TMPRSS2: variants seen among roughly 807,000 people sequenced by gnomAD.
The protein encoded by TMPRSS2 is transmembrane serine protease 2, also known as transmembrane protease serine 2.
TMPRSS2 carries 59 observed loss-of-function variants against 67.4 expected under a neutral mutation model. The ratio of observed to expected loss-of-function variants is 0.88; its 90% CI spans 0.71 to 1.09. The LOEUF is 1.09. TMPRSS2 is among the 50% of genes least tolerant of loss of function. TMPRSS2 has a pLI of 0.00. For missense variants in TMPRSS2, 668 were observed against 642.7 expected, an observed-to-expected ratio of 1.04 and a Z score of -0.43; for synonymous variants, 257 against 257.0, an observed-to-expected ratio of 1.00 and a Z score of 0.00.
intron 13 of TMPRSS2, among the ~76,000 whole-genome samples, chr21:41,467,194 G>C (rs2091092570): frequency 6.6e-6 from 1 of 152,170 alleles, no homozygotes. Flanking sequence ...TTCGAGACCA[G>C]CCTGGCCAAC....
chr21:41,505,626 T>G (rs888549145), intron 1 of TMPRSS2, among the ~76,000 whole-genome samples: 3 of 152,156 alleles, frequency 2.0e-5, no homozygotes, highest in Admixed American at 6.5e-5. Flanking sequence ...GGAGCCCAGG[T>G]AGGGCTGTGG....
intron 7 of TMPRSS2, among the ~76,000 whole-genome samples, chr21:41,476,926 T>C (rs2040600004): frequency 6.6e-6 from 1 of 152,208 alleles, no homozygotes. Context: ...AATGCTAGTT[T>C]TGTTTTTCCT....
chr21:41,499,351 C>G (rs997117167), intron 1 of TMPRSS2, among the ~76,000 whole-genome samples: 2 of 152,198 alleles, frequency 1.3e-5, no homozygotes, highest in Non-Finnish European at 2.9e-5. Context: ...AAAGATTCTT[C>G]GCTTGATCAA....
intron 1 of TMPRSS2, among the ~76,000 whole-genome samples, chr21:41,498,427 G>C (rs1221126062): frequency 4.6e-5 from 7 of 152,150 alleles, no homozygotes; most frequent in Admixed American, 1.3e-4. Context: ...TCTGGGATCA[G>C]AGTGGGTAGG....
intron 11 of TMPRSS2, among the ~76,000 whole-genome samples, chr21:41,469,344 G>C (rs1201881137): frequency 1.3e-5 from 2 of 151,842 alleles, no homozygotes; most frequent in African/African-American, 4.8e-5. Flanking sequence ...CTGTCTCAAG[G>C]AACCACAGCA....
In TMPRSS2 at chr21:41,477,991, G is replaced by A. The variant is rs1259681953; in HGVS notation, c.683+1181C>T. Among the ~76,000 whole-genome samples, 9 of 152,102 alleles carry A rather than the reference G, an allele frequency of 5.9e-5. No homozygotes were observed. The South Asian group carries it at 8.3e-4, about 14-fold the overall frequency. The stretch of plus-strand genomic sequence containing the variant: ...GTTCCCAAGGCTCTTGCCAAGGGAC[G>A]GCAGCACCTCCTCCCCTCCCCCCGT... On this transcript the variant is annotated intron_variant, in intron 7 of 13. Transcript: ENST00000332149.
chr21:41,507,928 C>T (rs1409662373), intron 1 of TMPRSS2, 153 bp downstream of exon 1: 1 of 1,493,200 alleles, frequency 6.7e-7, no homozygotes, highest in Non-Finnish European at 8.9e-7. Flanking sequence ...GGCCCCAGCG[C>T]TCGACCCTCG....
chr21:41,471,237 G>C (rs751458218), intron 10 of TMPRSS2, among the ~76,000 whole-genome samples: 1 of 152,228 alleles, frequency 6.6e-6, no homozygotes. Flanking sequence ...CCCTTGGATG[G>C]ACCAGAGTGG....
chr21:41,498,407 A>C (rs1158730265), intron 1 of TMPRSS2, among the ~76,000 whole-genome samples: 1 of 152,162 alleles, frequency 6.6e-6, no homozygotes, highest in African/African-American at 2.4e-5. Flanking sequence ...TTACAGCAGA[A>C]GCACTCTCCT....
In TMPRSS2 at chr21:41,464,586, T is replaced by A. The variant is rs1368578700; in HGVS notation, c.*1556A>T. 1.3e-5 allele frequency: 3 copies of A among 230,656 alleles called. No individual in the cohort carries two copies. Among genetic ancestry groups the A allele is most frequent in the Non-Finnish European group, 2.6e-5 (3 of 116,414 alleles). 14.3% of individuals were successfully genotyped at this position (230,656 alleles called of 1,614,324 possible). ...AAAAAAATTGCATAATTTATTTGCA[T>A]GATATTCATTTTCACAATTGAACTT... On this transcript the variant is annotated 3_prime_UTR_variant, in exon 14 of 14. Transcript: ENST00000332149.
At chr21:41,501,696 A>T (rs2091425823) in intron 1 of TMPRSS2, among the ~76,000 whole-genome samples, 1 of 151,952 alleles carries the variant, frequency 6.6e-6, no homozygotes, top group South Asian at 2.1e-4. Flanking sequence ...TCCCGCTCTG[A>T]CATTAGATCT....
intron 6 of TMPRSS2, 130 bp downstream of exon 6, chr21:41,480,342 GGGCT>G (rs2091247256): frequency 1.4e-6 from 2 of 1,427,548 alleles, no homozygotes; most frequent in Non-Finnish European, 1.9e-6. Flanking sequence ...GCTGGTTATA[GGGCT>G]CAGCTTTTGG....
At chr21:41,477,474 A>T (rs1226545552) in intron 7 of TMPRSS2, among the ~76,000 whole-genome samples, 2 of 152,156 alleles carry the variant, frequency 1.3e-5, no homozygotes, top group Non-Finnish European at 2.9e-5. Flanking sequence ...TAGAAAAAAA[A>T]TAATAAAGCA....
At chr21:41,508,060 C>T (rs962605957) in intron 1 of TMPRSS2, 21 bp downstream of exon 1, 38 of 1,287,600 alleles carry the variant, frequency 3.0e-5, no homozygotes, top group African/African-American at 4.7e-5. Flanking sequence ...GAGCCGGGAC[C>T]CTGGTACCGG....
In TMPRSS2 at chr21:41,468,184, G is replaced by A. The variant is rs572351113; in HGVS notation, c.1314+212C>T. ...TCCACTGGCACTTTTACCAAATACC[G>A]GTTTTTCAGAGGGTGTGTGTGATTT... On this transcript the variant is annotated intron_variant, in intron 12 of 13. Coordinates refer to ENST00000332149, the MANE Select transcript of TMPRSS2 (RefSeq NM_005656.4). The A allele has an allele frequency of 9.5e-5, 61 of 641,256 alleles. No individual in the cohort carries two copies. The African/African-American group carries it at 1.0e-3, about 11-fold the overall frequency. The allele number at this position is 641,256 out of a possible 1,614,324, so 39.7% of individuals were successfully genotyped here.
intron 13 of TMPRSS2, among the ~76,000 whole-genome samples, chr21:41,466,638 C>T (rs2091087026): frequency 6.6e-6 from 1 of 152,174 alleles, no homozygotes; most frequent in African/African-American, 2.4e-5. Context: ...CCCCTGGGCC[C>T]CATGGTCATG....
In TMPRSS2 at chr21:41,470,724, A is replaced by G; in HGVS notation, c.1095T>C (p.Cys365=). ...GCAGCATCATGCCTGGGTTGGGCAG[A>G]CACACTGGTTTCACTAGGTCTGTTT... The part of the protein sequence containing the change: ...LTFNDLVKPV[C]LPNPGMMLQP... The change falls in exon 11 of 14, where the codon TGT becomes TGC. Residue 365 remains cysteine (C), a synonymous_variant. Transcript: ENST00000332149. The G allele has an allele frequency of 6.2e-7, 1 of 1,613,576 alleles. No homozygotes were observed. The highest frequency in any genetic ancestry group is 8.5e-7 in the Non-Finnish European group (1 of 1,179,982).
At chr21:41,488,179 CTCGGTGGCCCTGTCA>C (rs2091311433) in intron 5 of TMPRSS2, among the ~76,000 whole-genome samples, 200 bp downstream of exon 5, 1 of 152,170 alleles carries the variant, frequency 6.6e-6, no homozygotes, top group Non-Finnish European at 1.5e-5. Flanking sequence ...TGACACAGTC[CTCGGTGGCCCTGTCA>C]TCTCCCACCT....
At chr21:41,468,098 C>G (rs2091099571) in intron 12 of TMPRSS2, 2 of 618,554 alleles carry the variant, frequency 3.2e-6, no homozygotes, top group African/African-American at 3.7e-5. Context: ...TCTGTTCAAG[C>G]TAAAAGTTAC....
Sources: allele counts gnomAD v4.1 joint callset (sites outside exome capture counted in the v4.1 genomes callset), GRCh38; gene constraint gnomAD v4.1.1; transcripts MANE v1.5; gene names NCBI Gene and HGNC (gene_info 2026-07-23, HGNC 2026-07-21).